The following MLLT3 variants were observed in gnomAD, a reference collection of about 807,000 sequenced individuals.
MLLT3 encodes MLLT3 super elongation complex subunit.
A neutral mutation model predicts 53.2 loss-of-function variants in MLLT3; 4 were observed. The observed-to-expected ratio is 0.08, with a 90% CI of 0.04 to 0.17. MLLT3 has a LOEUF of 0.17. Ranked by LOEUF, MLLT3 falls within the 10% of genes least tolerant of loss-of-function variation. The pLI is 1.00. For missense variants in MLLT3, 569 were observed against 684.0 expected (o/e 0.83, Z 1.87); for synonymous variants, 283 against 230.6 (o/e 1.23, Z -2.06).
At chr9:20,492,241 T>C (rs1199867349) in intron 2 of MLLT3, among the ~76,000 whole-genome samples, 1 of 152,008 alleles carries the variant, frequency 6.6e-6, no homozygotes, top group Non-Finnish European at 1.5e-5. Context: ...CTATTTAGAT[T>C]TTTTCAAAGG....
At position 20,493,013 on chromosome 9, in the gene MLLT3, C is replaced by T. The variant is rs577390827; in HGVS notation, c.194-36227G>A. On this transcript the variant is annotated intron_variant, in intron 2 of 10. Transcript: ENST00000380338. ...AAGTCAGTTTACAGACTGAATTGTG[C>T]ACCCGTTTCCATTTTTTTTTCTACT... Among the ~76,000 whole-genome samples the T allele has an allele frequency of 3.9e-5, 6 of 151,940 alleles. No homozygotes were observed. In the East Asian group the frequency reaches 1.2e-3, roughly 29 times the overall value.
chr9:20,363,998 C>A (rs1350744334), intron 6 of MLLT3, among the ~76,000 whole-genome samples: 1 of 152,186 alleles, frequency 6.6e-6, no homozygotes. Flanking sequence ...CTTGGCAATG[C>A]AGCCTTTGTG....
At chr9:20,431,810 T>C (rs74619721) in intron 4 of MLLT3, among the ~76,000 whole-genome samples, 6,548 of 152,164 alleles carry the variant, frequency 0.043, 336 homozygotes, top group East Asian at 0.23. Flanking sequence ...AGCAGTGAAA[T>C]AGACAATAAT....
rs954346386 is a variant in MLLT3 at position 20,342,754 on chromosome 9, G to A, written c.*3689C>T. On this transcript the variant is annotated 3_prime_UTR_variant, in exon 11 of 11. Transcript: ENST00000380338. ...GGGAATTGACTCCTTAACATTCACTGCAGCTGTAGTAGTCTCTACATCATA... is the reference window on the plus strand; with the variant it reads ...GGGAATTGACTCCTTAACATTCACTACAGCTGTAGTAGTCTCTACATCATA... 4 of 195,962 alleles carry A rather than the reference G, an allele frequency of 2.0e-5. No homozygotes were observed. The highest frequency in any genetic ancestry group is 9.3e-5 in the African/African-American group (4 of 43,020). 12.1% of individuals were successfully genotyped at this position (195,962 alleles called of 1,614,324 possible).
At position 20,461,564 on chromosome 9, in the gene MLLT3, C is replaced by G. The variant is rs953447626; in HGVS notation, c.194-4778G>C. Among the ~76,000 whole-genome samples, 104 of 151,552 alleles carry G rather than the reference C, an allele frequency of 6.9e-4. 1 individual carries two copies. Among genetic ancestry groups the G allele is most frequent in the Non-Finnish European group, 4.4e-4 (30 of 67,916 alleles). The stretch of plus-strand genomic sequence containing the variant: ...CTGTAAATGAATAAATATATTTGTG[C>G]TTATATAATAAATTACTTATATATA... On this transcript the variant is annotated intron_variant, in intron 2 of 10. Transcript: ENST00000380338.
intron 5 of MLLT3, among the ~76,000 whole-genome samples, chr9:20,372,994 A>C (rs768792927): frequency 6.6e-6 from 1 of 152,230 alleles, no homozygotes; most frequent in Non-Finnish European, 1.5e-5. Context: ...CTTTATTACA[A>C]TTGTCTGGAA....
chr9:20,478,179 C>G (rs1824572661), intron 2 of MLLT3, among the ~76,000 whole-genome samples: 1 of 151,648 alleles, frequency 6.6e-6, no homozygotes, highest in Admixed American at 6.6e-5. Flanking sequence ...CTGGCAGTGG[C>G]TGCACTGAGA....
intron 2 of MLLT3, among the ~76,000 whole-genome samples, chr9:20,566,931 T>TG (rs1035663605): frequency 1.7e-4 from 26 of 152,168 alleles, no homozygotes; most frequent in Non-Finnish European, 1.2e-4. Flanking sequence ...TCAAAGCAAC[T>TG]GACCAAAGAG....
chr9:20,437,128 A>G (rs1345800199), intron 4 of MLLT3, among the ~76,000 whole-genome samples: 1 of 152,182 alleles, frequency 6.6e-6, no homozygotes, highest in African/African-American at 2.4e-5. Flanking sequence ...TTAAAAAAAA[A>G]TCAAGATCAG....
At chr9:20,406,582 T>C (rs1342636633) in intron 5 of MLLT3, among the ~76,000 whole-genome samples, 1 of 152,168 alleles carries the variant, frequency 6.6e-6, no homozygotes, top group Non-Finnish European at 1.5e-5. Context: ...AGTACCGTGA[T>C]TCTAAGCACT....
intron 8 of MLLT3, among the ~76,000 whole-genome samples, chr9:20,358,127 A>AT (rs570628150): frequency 1.1e-4 from 17 of 151,964 alleles, no homozygotes; most frequent in African/African-American, 3.6e-4. Context: ...TATACTAGTA[A>AT]TTTTTTTTAA....
rs190693908 is a variant in MLLT3 at position 20,571,491 on chromosome 9, G to A, written c.193+49163C>T. 5.2e-4 allele frequency among the ~76,000 whole-genome samples: 79 copies of A among 152,274 alleles called. No individual in the cohort carries two copies. The East Asian group carries it at 0.013, about 26-fold the overall frequency. ...GTTCTGGGATACATGTGCAGAACATGCAGGTTTGTTACATAGGTATACACG... is the reference window on the plus strand; with the variant it reads ...GTTCTGGGATACATGTGCAGAACATACAGGTTTGTTACATAGGTATACACG... On this transcript the variant is annotated intron_variant, in intron 2 of 10. Coordinates refer to ENST00000380338, the MANE Select transcript of MLLT3 (RefSeq NM_004529.4).
At chr9:20,544,100 T>C (rs1053715209) in intron 2 of MLLT3, among the ~76,000 whole-genome samples, 2 of 152,146 alleles carry the variant, frequency 1.3e-5, no homozygotes, top group African/African-American at 4.8e-5. Flanking sequence ...GGCTACACAA[T>C]GGGGAAAGGA....
chr9:20,465,743 G>C (rs930979225), intron 2 of MLLT3, among the ~76,000 whole-genome samples: 11 of 152,240 alleles, frequency 7.2e-5, no homozygotes, highest in Non-Finnish European at 1.5e-4. Context: ...CATCTTGTGA[G>C]CTCTACTTCT....
intron 2 of MLLT3, among the ~76,000 whole-genome samples, chr9:20,474,447 T>C (rs1280067348): frequency 6.6e-6 from 1 of 152,100 alleles, no homozygotes; most frequent in Non-Finnish European, 1.5e-5. Context: ...CTCAAGGTAT[T>C]GCTGTTAATA....
chr9:20,431,467 T>C (rs1823267046), intron 4 of MLLT3, among the ~76,000 whole-genome samples: 2 of 152,158 alleles, frequency 1.3e-5, no homozygotes. Context: ...ACTCCATAAT[T>C]GTTTATAAGT....
At chr9:20,393,951 A>G (rs1822255669) in intron 5 of MLLT3, among the ~76,000 whole-genome samples, 1 of 152,218 alleles carries the variant, frequency 6.6e-6, no homozygotes. Context: ...TTCATCATTG[A>G]TAAGATTTAT....
intron 2 of MLLT3, among the ~76,000 whole-genome samples, chr9:20,525,830 T>C (rs772131456): frequency 5.9e-5 from 9 of 152,224 alleles, no homozygotes; most frequent in African/African-American, 1.4e-4. Flanking sequence ...ACAAGACCGA[T>C]TGTAGTCTAG....
chr9:20,420,684 G>A (rs539597481), intron 4 of MLLT3, among the ~76,000 whole-genome samples: 67 of 152,128 alleles, frequency 4.4e-4, no homozygotes, highest in African/African-American at 1.3e-3. Flanking sequence ...ATAATTATAC[G>A]TAGAATTTTT....
Sources: allele counts gnomAD v4.1 joint callset (sites outside exome capture counted in the v4.1 genomes callset), GRCh38; gene constraint gnomAD v4.1.1; transcripts MANE v1.5; gene names NCBI Gene and HGNC (gene_info 2026-07-23, HGNC 2026-07-21).